WWC1: variants seen among roughly 807,000 people sequenced by gnomAD.
The protein encoded by WWC1 is protein KIBRA.
In WWC1, 55 loss-of-function variants were observed where a neutral mutation model predicts 138.4. That is an observed-to-expected ratio of 0.40 (90% confidence interval 0.32 to 0.50). The LOEUF (loss-of-function observed/expected upper bound fraction) is 0.50, where lower values mean the gene tolerates loss of function less well. Ranked by LOEUF, WWC1 falls within the 20% of genes least tolerant of loss-of-function variation. The pLI is 0.72. For synonymous variants in WWC1, 524 were observed against 564.9 expected, an observed-to-expected ratio of 0.93 and a Z score of 1.03; for missense variants, 1,226 against 1,420.4, an observed-to-expected ratio of 0.86 and a Z score of 2.20.
chr5:168,336,571 CAAAAAAA>C (rs57339649), intron 1 of WWC1, among the ~76,000 whole-genome samples: 4 of 58,020 alleles, frequency 6.9e-5, no homozygotes, highest in African/African-American at 1.6e-4. Flanking sequence ...GACTCTGTCT[CAAAAAAA>C]AAAAAAAAAA....
intron 15 of WWC1, among the ~76,000 whole-genome samples, chr5:168,433,738 A>C (rs527517755): frequency 2.0e-5 from 3 of 152,064 alleles, no homozygotes; most frequent in African/African-American, 7.2e-5. Context: ...GGGTTTTGCC[A>C]TGTTGGCCAG....
chr5:168,339,272 A>G (rs1443714791), intron 1 of WWC1, among the ~76,000 whole-genome samples: 1 of 152,146 alleles, frequency 6.6e-6, no homozygotes, highest in African/African-American at 2.4e-5. Flanking sequence ...ATAAGACTCT[A>G]AGAGCAGAGG....
chr5:168,324,843 CATACCA>C (rs1217049603), intron 1 of WWC1, among the ~76,000 whole-genome samples: 1 of 152,078 alleles, frequency 6.6e-6, no homozygotes, highest in Non-Finnish European at 1.5e-5. Flanking sequence ...AAGGATATAC[CATACCA>C]ATACTAATCA....
intron 2 of WWC1, among the ~76,000 whole-genome samples, chr5:168,380,431 ACCC>A (rs1258800336): frequency 1.3e-5 from 2 of 151,936 alleles, no homozygotes; most frequent in African/African-American, 4.8e-5. Flanking sequence ...GCATAGTGAG[ACCC>A]CCATCTCAAA....
At chr5:168,296,126 A>AATTT (rs1769519642) in intron 1 of WWC1, among the ~76,000 whole-genome samples, 1 of 152,126 alleles carries the variant, frequency 6.6e-6, no homozygotes. Context: ...TGGTATGCAA[A>AATTT]ACAAATGCAC....
intron 1 of WWC1, among the ~76,000 whole-genome samples, chr5:168,369,876 A>G (rs1423556572): frequency 7.1e-6 from 1 of 140,334 alleles, no homozygotes; most frequent in Non-Finnish European, 1.5e-5. Context: ...TATTCATTAC[A>G]TTATTCACTC....
In WWC1 at chr5:168,428,612, C is replaced by T. The variant is rs936112642; in HGVS notation, c.1920-95C>T. On this transcript the variant is annotated intron_variant, in intron 12 of 22. Coordinates refer to ENST00000265293, the MANE Select transcript of WWC1 (RefSeq NM_015238.3). ...AGGACCTGAAGGGAAGCTGAGCAAA[C>T]CCCAACTTTCCTTCCTGGGGATGTA... is the stretch of plus-strand genomic sequence containing the variant. 5 of 1,312,308 alleles carry T rather than the reference C, an allele frequency of 3.8e-6. No homozygotes were observed. In the African/African-American group the frequency reaches 7.3e-5, roughly 19 times the overall value. 81.3% of individuals were successfully genotyped at this position (1,312,308 alleles called of 1,614,324 possible).
intron 9 of WWC1, among the ~76,000 whole-genome samples, chr5:168,420,778 A>G (rs1289318053): frequency 6.6e-6 from 1 of 152,112 alleles, no homozygotes; most frequent in Non-Finnish European, 1.5e-5. Context: ...CAGCCCAGGC[A>G]CTGTCTCTGT....
chr5:168,450,593 G>A (rs932702032), intron 17 of WWC1, among the ~76,000 whole-genome samples: 3 of 152,142 alleles, frequency 2.0e-5, no homozygotes, highest in African/African-American at 4.8e-5. Flanking sequence ...TTGAACCCGG[G>A]AGGCAGAGGT....
chr5:168,406,189 G>A lies in WWC1; in HGVS notation c.591-9G>A. ...CTAAGGCTGACCTTTCCCATTAACTGTCTCCTAGAATCGATAAGAAAATGT... is the reference window on the plus strand; with the variant it reads ...CTAAGGCTGACCTTTCCCATTAACTATCTCCTAGAATCGATAAGAAAATGT... On this transcript the variant is annotated splice_polypyrimidine_tract_variant and intron_variant, in intron 5 of 22. Transcript: ENST00000265293. The A allele has an allele frequency of 1.2e-6, 2 of 1,613,316 alleles. No individual in the cohort carries two copies. Among genetic ancestry groups the A allele is most frequent in the South Asian group, 1.1e-5 (1 of 91,022 alleles).
At chr5:168,463,076 C>T (rs1473163211) in intron 20 of WWC1, among the ~76,000 whole-genome samples, 1 of 152,200 alleles carries the variant, frequency 6.6e-6, no homozygotes, top group Non-Finnish European at 1.5e-5. Context: ...TATACTGTGT[C>T]TGAAATCTCT....
At chr5:168,464,129 A>G (rs561155439) in intron 20 of WWC1, among the ~76,000 whole-genome samples, 24 of 152,238 alleles carry the variant, frequency 1.6e-4, no homozygotes, top group African/African-American at 5.3e-4. Context: ...GGAGGTCTCC[A>G]AGGGAAGGTG....
intron 9 of WWC1, chr5:168,415,813 GGCGT>G (rs1780586410): frequency 9.3e-5 from 1 of 10,746 alleles, no homozygotes; most frequent in Non-Finnish European, 3.2e-4. Flanking sequence ...GGGGGGGGGG[GGCGT>G]GTGTGTGTGT....
intron 1 of WWC1, among the ~76,000 whole-genome samples, chr5:168,367,081 G>A (rs1450827211): frequency 6.6e-6 from 1 of 151,952 alleles, no homozygotes; most frequent in African/African-American, 2.4e-5. Context: ...ACAGGTGTGA[G>A]CCACTGCACC....
chr5:168,419,789 C>A (rs1318220059), intron 9 of WWC1, among the ~76,000 whole-genome samples: 1 of 152,134 alleles, frequency 6.6e-6, no homozygotes, highest in Admixed American at 6.5e-5. Context: ...AGAGCCATTC[C>A]AGGGGCAAAG....
chr5:168,292,571 G>T lies in WWC1; in HGVS notation c.119+300G>T, dbSNP rs964009489. Among the ~76,000 whole-genome samples the T allele has an allele frequency of 6.6e-6, 1 of 152,062 alleles. No individual in the cohort carries two copies. The highest frequency in any genetic ancestry group is 2.4e-5 in the African/African-American group (1 of 41,426). On this transcript the variant is annotated intron_variant, in intron 1 of 22. Transcript: ENST00000265293. The surrounding 1 kb of genome is among the most constrained non-coding windows in gnomAD (Gnocchi z 4.4). ...AGTTTTGACCTTAAGCTCTAGCCCC[G>T]CCCGCCCCCTTTAGGAAGAGAGGTC...
At chr5:168,338,010 G>A (rs2152773772) in intron 1 of WWC1, among the ~76,000 whole-genome samples, 1 of 152,244 alleles carries the variant, frequency 6.6e-6, no homozygotes, top group East Asian at 1.9e-4. Context: ...TGTGCAGTTT[G>A]TTCTAAATGC....
At chr5:168,420,142 A>C (rs915416930) in intron 9 of WWC1, among the ~76,000 whole-genome samples, 2 of 152,194 alleles carry the variant, frequency 1.3e-5, no homozygotes, top group African/African-American at 4.8e-5. Context: ...TTTTGCCCTA[A>C]GATGGTGCGT....
At chr5:168,405,064 A>G (rs988623637) in intron 5 of WWC1, among the ~76,000 whole-genome samples, 1 of 152,102 alleles carries the variant, frequency 6.6e-6, no homozygotes, top group Non-Finnish European at 1.5e-5. Flanking sequence ...TGACAACTTC[A>G]TGAGTATGGG....
Sources: gnomAD v4.1 joint callset for allele counts (sites outside exome capture counted in the v4.1 genomes callset) on GRCh38, gnomAD v4.1.1 for gene constraint, Gnocchi (gnomAD v3.1) non-coding constraint, MANE v1.5 for transcripts, NCBI Gene and HGNC (gene_info 2026-07-23, HGNC 2026-07-21) for gene names.